PKP2: variants seen among roughly 807,000 people sequenced by gnomAD.
The protein encoded by PKP2 is plakophilin-2.
Under a neutral mutation model 83.4 loss-of-function variants are expected in PKP2, and 73 were observed. The ratio of observed to expected loss-of-function variants is 0.88; its 90% confidence interval spans 0.72 to 1.06. The LOEUF (loss-of-function observed/expected upper bound fraction) is 1.06. Among genes scored for constraint, PKP2 ranks in the 50% least tolerant of loss-of-function variants. PKP2 has a pLI of 0.00. For synonymous variants in PKP2, 409 were observed against 430.4 expected, an observed-to-expected ratio of 0.95 and a Z score of 0.62; for missense variants, 966 against 1,065.4, an observed-to-expected ratio of 0.91 and a Z score of 1.30.
At chr12:32,892,003 A>G (rs898760092) in intron 1 of PKP2, among the ~76,000 whole-genome samples, 21 of 152,128 alleles carry the variant, frequency 1.4e-4, no homozygotes, top group African/African-American at 4.8e-4. Flanking sequence ...AAAGTGGCTC[A>G]CAGGCCATAT....
chr12:32,796,032 A>T (rs1458935975), intron 11 of PKP2, 77 bp downstream of exon 11: 1 of 1,134,462 alleles, frequency 8.8e-7, no homozygotes, highest in Non-Finnish European at 1.3e-6. Context: ...ATGACCGCAC[A>T]TTCACAACCG....
chr12:32,847,727 G>A (rs1269524035), intron 5 of PKP2, among the ~76,000 whole-genome samples: 1 of 152,074 alleles, frequency 6.6e-6, no homozygotes, highest in Admixed American at 6.6e-5. Context: ...CCAATCCAAA[G>A]CCTATTCCTT....
chr12:32,882,930 G>C (rs1221878568), intron 1 of PKP2, among the ~76,000 whole-genome samples: 1 of 152,060 alleles, frequency 6.6e-6, no homozygotes, highest in Non-Finnish European at 1.5e-5. Context: ...AGGCCTTAGA[G>C]GGATTATTAT....
intron 4 of PKP2, among the ~76,000 whole-genome samples, chr12:32,866,467 C>T (rs764311345): frequency 7.1e-6 from 1 of 140,710 alleles, no homozygotes; most frequent in Non-Finnish European, 1.5e-5. Context: ...GGGAAGATCA[C>T]TTGAGCCCGA....
intron 6 of PKP2, among the ~76,000 whole-genome samples, chr12:32,832,660 C>T (rs1956511211): frequency 1.3e-5 from 2 of 152,158 alleles, no homozygotes; most frequent in African/African-American, 4.8e-5. Flanking sequence ...TATCTAGATA[C>T]TTTCATCAAG....
At chr12:32,799,777 T>C (rs191699901) in intron 10 of PKP2, among the ~76,000 whole-genome samples, 8 of 152,188 alleles carry the variant, frequency 5.3e-5, no homozygotes, top group East Asian at 3.9e-4. Context: ...TTTTGGGGAC[T>C]TGGGGGAAAG....
rs779926314 is a variant in PKP2, at chr12:32,821,495, C to G, written c.1874G>C (p.Ser625Thr). The part of the protein sequence containing the change: ...YQDVPMPEEK[S>T]NPKGVEWLWH... ...CAGCCACTCCACGCCCTTGGGGTTG[C>G]TCTTTTCCTCCGGCATCGGCACGTC... is the stretch of plus-strand genomic sequence containing the variant. Residue 625 changes from serine (S) to threonine (T), a missense_variant, in exon 9 of 13, where the codon AGC (serine) becomes ACC (threonine). Transcript: ENST00000340811. The G allele has an allele frequency of 6.2e-6, 10 of 1,613,924 alleles. No individual in the cohort carries two copies. The Admixed American group carries it at 1.7e-4, about 27-fold the overall frequency.
rs866985131 is a variant in PKP2 at position 32,878,283 on chromosome 12, G to A, written c.597C>T (p.Ile199=). ...LVPPRYARSE[I]VGVSRAGTTS... ...TGGTGCCAGCACGGCTGACCCCCAC[G>A]ATCTCGGAACGAGCATATCTCGGTG... Residue 199 remains isoleucine (I), a synonymous_variant, in exon 3 of 13, where the codon ATC becomes ATT. Coordinates refer to ENST00000340811, the MANE Select transcript of PKP2 (RefSeq NM_001005242.3). 6 of 1,613,906 alleles carry A rather than the reference G, an allele frequency of 3.7e-6. No individual in the cohort carries two copies. The highest frequency in any genetic ancestry group is 1.6e-4 in the Middle Eastern group (1 of 6,062).
Position 32,826,775 on chromosome 12 carries a change from C to T in PKP2, c.1557-2613G>A, listed in dbSNP as rs143834792. ...GAATCATGGGGATTCAGAAGCTTGA[C>T]AGAAACTGAAAAAGCATCTTTTCCA... On this transcript the variant is annotated intron_variant, in intron 6 of 12. Transcript: ENST00000340811. 1.8e-3 allele frequency among the ~76,000 whole-genome samples: 275 copies of T among 152,298 alleles called. 1 individual carries two copies. The highest frequency in any genetic ancestry group is 6.4e-3 in the African/African-American group (264 of 41,568).
intron 6 of PKP2, among the ~76,000 whole-genome samples, chr12:32,826,193 C>T (rs1956439132): frequency 6.6e-6 from 1 of 151,086 alleles, no homozygotes; most frequent in Non-Finnish European, 1.5e-5. Flanking sequence ...GTATTCCCAG[C>T]TACTCGGGAA....
At chr12:32,798,115 G>A (rs1451863629) in intron 10 of PKP2, among the ~76,000 whole-genome samples, 6 of 87,302 alleles carry the variant, frequency 6.9e-5, no homozygotes, top group Middle Eastern at 0.013. Context: ...ATGGAGTTTC[G>A]CTCTTGTTGC....
chr12:32,877,747 C>CCTT lies in PKP2; in HGVS notation c.1034+96_1034+98dup, dbSNP rs1403780480. On this transcript the variant is annotated intron_variant, in intron 3 of 12. Transcript: ENST00000340811. ...ATTTTAATCACTTATCTCTGGAAGC[C>CCTT]CTTCTCTCAAGCCCCAGAAGTGCCA... is the stretch of plus-strand genomic sequence containing the variant. 1.8e-4 allele frequency: 157 copies of CCTT among 864,952 alleles called. No individual in the cohort carries two copies. The East Asian group carries it at 3.9e-3, about 22-fold the overall frequency. The allele number at this position is 864,952 out of a possible 1,614,324, so 53.6% of individuals were successfully genotyped here. A position where few individuals can be genotyped will look rare whatever the true frequency, so the allele number is the denominator to read the frequency against.
At position 32,850,833 on chromosome 12, in the gene PKP2, AT is replaced by A; in HGVS notation, c.1310del (p.Asn437MetfsTer10). 6.2e-7 allele frequency: 1 copy of A among 1,613,818 alleles called. No homozygotes were observed. Among genetic ancestry groups the A allele is most frequent in the South Asian group, 1.1e-5 (1 of 91,060 alleles). On this transcript the variant is annotated frameshift_variant, in exon 5 of 13. Transcript: ENST00000340811. LOFTEE classifies it high-confidence loss of function. ...GCACCTGGAGCAGCCGAGGTACCCC[AT>A]TTAGTTCAGCCACCTCCAATTTGTT... ...NDNKLEVAEL[N>X]GVPRLLQVLK... is the part of the protein sequence containing the mutation.
chr12:32,795,068 A>C (rs1269905804), intron 11 of PKP2, among the ~76,000 whole-genome samples: 1 of 152,244 alleles, frequency 6.6e-6, no homozygotes. Context: ...TATTTGTAAT[A>C]AGTCAAACAA....
At chr12:32,792,550 C>T in intron 12 of PKP2, 58 bp from the exon 13 acceptor site, 3 of 1,571,400 alleles carry the variant, frequency 1.9e-6, no homozygotes, top group African/African-American at 2.7e-5. Flanking sequence ...CAAGAAAATG[C>T]AGTTTTTTAG....
intron 11 of PKP2, among the ~76,000 whole-genome samples, chr12:32,795,189 C>T (rs1243454078): frequency 1.3e-5 from 2 of 151,396 alleles, no homozygotes; most frequent in African/African-American, 4.9e-5. Flanking sequence ...TCATTCTCCT[C>T]CTTTTTTTTT....
intron 11 of PKP2, among the ~76,000 whole-genome samples, chr12:32,795,645 T>C (rs1956113842): frequency 6.6e-6 from 1 of 152,192 alleles, no homozygotes; most frequent in Non-Finnish European, 1.5e-5. Flanking sequence ...CCTCCCAAAG[T>C]GCTGGGATTA....
chr12:32,824,272 T>A, intron 6 of PKP2, 110 bp from the exon 7 acceptor site: 1 of 791,192 alleles, frequency 1.3e-6, no homozygotes, highest in Non-Finnish European at 2.2e-6. Flanking sequence ...AACTGGCAAA[T>A]TTGTAAAAGT....
chr12:32,802,998 T>C (rs1385969352), intron 9 of PKP2, among the ~76,000 whole-genome samples: 1 of 152,144 alleles, frequency 6.6e-6, no homozygotes, highest in Admixed American at 6.5e-5. Context: ...GGAACTAGTC[T>C]AAAGGTATTT....
Sources: allele counts gnomAD v4.1 joint callset (sites outside exome capture counted in the v4.1 genomes callset), GRCh38; gene constraint gnomAD v4.1.1; transcripts MANE v1.5; gene names NCBI Gene and HGNC (gene_info 2026-07-23, HGNC 2026-07-21).